The following PRRX1 variants were observed in gnomAD, a reference collection of about 807,000 sequenced individuals.
PRRX1 encodes paired mesoderm homeobox protein 1.
In PRRX1, 8 loss-of-function variants were observed where a neutral mutation model predicts 24.0. The observed-to-expected ratio is 0.33, with a 90% CI of 0.20 to 0.60. The LOEUF is 0.60. Among genes scored for constraint, PRRX1 ranks in the 20% least tolerant of loss-of-function variants. The pLI is 0.82. For synonymous variants in PRRX1, 160 were observed against 131.7 expected, an observed-to-expected ratio of 1.22 and a Z score of -1.47; for missense variants, 281 against 322.4, an observed-to-expected ratio of 0.87 and a Z score of 0.98.
At chr1:170,691,752 CA>C (rs1653988778) in intron 1 of PRRX1, among the ~76,000 whole-genome samples, 1 of 151,598 alleles carries the variant, frequency 6.6e-6, no homozygotes, top group South Asian at 2.1e-4. Flanking sequence ...TGTGTTGTGA[CA>C]AAGATAGTAT....
intron 1 of PRRX1, among the ~76,000 whole-genome samples, chr1:170,679,761 A>G (rs917851878): frequency 1.3e-5 from 2 of 150,984 alleles, no homozygotes; most frequent in African/African-American, 5.0e-5. Flanking sequence ...CTTATTCTAG[A>G]AGAAAAAACA....
At chr1:170,712,846 A>G (rs1480008820) in intron 1 of PRRX1, among the ~76,000 whole-genome samples, 1 of 152,152 alleles carries the variant, frequency 6.6e-6, no homozygotes, top group Non-Finnish European at 1.5e-5. Context: ...TCCACTTCCA[A>G]CTATGCTTCC....
At chr1:170,692,282 G>A (rs546946898) in intron 1 of PRRX1, among the ~76,000 whole-genome samples, 1 of 152,162 alleles carries the variant, frequency 6.6e-6, no homozygotes, top group South Asian at 2.1e-4. Context: ...TATGGGGTAA[G>A]AACCCAATTT....
In PRRX1 at chr1:170,738,497, A is replaced by T. The variant is rs1414361932; in HGVS notation, c.*2311A>T. The stretch of plus-strand genomic sequence containing the variant: ...AGCACGCATTACTTGCTTCCTGAAG[A>T]GTTCCCCCATTCATCCATTTGTCCC... On this transcript the variant is annotated 3_prime_UTR_variant, in exon 4 of 4. Transcript: ENST00000239461. 1 of 229,060 alleles carries T rather than the reference A, an allele frequency of 4.4e-6. No homozygotes were observed. The highest frequency in any genetic ancestry group is 2.2e-5 in the African/African-American group (1 of 45,138). 14.2% of individuals were successfully genotyped at this position (229,060 alleles called of 1,614,324 possible).
intron 3 of PRRX1, chr1:170,728,673 G>C (rs1242324644): frequency 6.6e-6 from 1 of 152,144 alleles, no homozygotes; most frequent in Non-Finnish European, 1.5e-5. Flanking sequence ...AAGCAGAAAA[G>C]TGATGTTAAA....
intron 1 of PRRX1, 152 bp from the exon 2 acceptor site, chr1:170,719,574 A>G: frequency 1.2e-6 from 1 of 842,336 alleles, no homozygotes; most frequent in Non-Finnish European, 1.9e-6. Context: ...TAATGGCCAC[A>G]TTTGCACATG....
chr1:170,736,200 T>C lies in PRRX1; in HGVS notation c.*14T>C. On this transcript the variant is annotated 3_prime_UTR_variant, in exon 4 of 4. Transcript: ENST00000239461. ...ACAGTCAACTGAGGAAAAAAAATAA[T>C]TAAACAGGCCTAAGAAGAAATCAAA... 3 of 1,613,870 alleles carry C rather than the reference T, an allele frequency of 1.9e-6. No homozygotes were observed. The highest frequency in any genetic ancestry group is 2.5e-6 in the Non-Finnish European group (3 of 1,179,886).
chr1:170,668,411 T>C (rs1653026464), intron 1 of PRRX1: 1 of 152,184 alleles, frequency 6.6e-6, no homozygotes, highest in African/African-American at 2.4e-5. Context: ...GAAACACATG[T>C]AGTCATAAAA....
At chr1:170,684,888 T>A (rs1318084839) in intron 1 of PRRX1, among the ~76,000 whole-genome samples, 1 of 152,240 alleles carries the variant, frequency 6.6e-6, no homozygotes, top group Non-Finnish European at 1.5e-5. Flanking sequence ...TTCATGATTT[T>A]AAAAATAATT....
rs545015622 is a variant in PRRX1, at chr1:170,707,507, T to C, written c.242-12219T>C. Among the ~76,000 whole-genome samples the C allele has an allele frequency of 2.6e-5, 4 of 152,326 alleles. No homozygotes were observed. The South Asian group carries it at 8.3e-4, about 32-fold the overall frequency. Reference sequence around the variant, plus strand: ...TTTAATTGATTTAATGCAAACACTGTGTTTATAAAATCTGATTTTCTCAAA... The same window carrying C: ...TTTAATTGATTTAATGCAAACACTGCGTTTATAAAATCTGATTTTCTCAAA... On this transcript the variant is annotated intron_variant, in intron 1 of 3. Coordinates refer to ENST00000239461, the MANE Select transcript of PRRX1 (RefSeq NM_022716.4).
intron 1 of PRRX1, among the ~76,000 whole-genome samples, chr1:170,686,332 G>A (rs1443274324): frequency 6.6e-6 from 1 of 152,110 alleles, no homozygotes; most frequent in Non-Finnish European, 1.5e-5. Context: ...CTTCATAAGC[G>A]AGCTTTTCTT....
At chr1:170,670,737 G>A (rs1653116809) in intron 1 of PRRX1, among the ~76,000 whole-genome samples, 1 of 152,052 alleles carries the variant, frequency 6.6e-6, no homozygotes, top group African/African-American at 2.4e-5. Context: ...GTTAGCGTAG[G>A]GGAGGGGAAT....
chr1:170,672,763 T>G (rs1422393091), intron 1 of PRRX1, among the ~76,000 whole-genome samples: 1 of 152,198 alleles, frequency 6.6e-6, no homozygotes, highest in Non-Finnish European at 1.5e-5. Flanking sequence ...GAGAACCACA[T>G]TTTCTCAAGT....
chr1:170,664,536 C>T lies in PRRX1; in HGVS notation c.241+77C>T, dbSNP rs757136068. On this transcript the variant is annotated intron_variant, in intron 1 of 3. Transcript: ENST00000239461. ...GGACCCGTGTAGGGCAGCTAGAGCC[C>T]GTCCGCGGCCAGAAAGACAAGGTCC... The T allele has an allele frequency of 2.0e-6, 3 of 1,509,306 alleles. No individual in the cohort carries two copies. The African/African-American group carries it at 4.2e-5, about 21-fold the overall frequency. 93.5% of individuals were successfully genotyped at this position (1,509,306 alleles called of 1,614,324 possible).
Position 170,736,055 on chromosome 1 carries a change from GC to G in PRRX1, c.608del (p.Ala203ValfsTer25). On this transcript the variant is annotated frameshift_variant, in exon 4 of 4. Transcript: ENST00000239461. LOFTEE classifies it high-confidence loss of function. ...TCTCCTTTGTCCCTACAGCGCCATG[GC>G]TACTTATTCTGCCACATGTGCCAAC... ...WGTASPYSAM[A>X]TYSATCANNS... is the part of the protein sequence containing the mutation. The G allele has an allele frequency of 6.2e-7, 1 of 1,614,022 alleles. No individual in the cohort carries two copies. Among genetic ancestry groups the G allele is most frequent in the South Asian group, 1.1e-5 (1 of 91,080 alleles).
rs1655712192 is a variant in PRRX1 at position 170,739,035 on chromosome 1, G to C, written c.*2849G>C. The C allele has an allele frequency of 1.4e-5, 3 of 219,620 alleles. No individual in the cohort carries two copies. In the South Asian group the frequency reaches 5.5e-4, roughly 41 times the overall value. 13.6% of individuals were successfully genotyped at this position (219,620 alleles called of 1,614,324 possible). The stretch of plus-strand genomic sequence containing the variant: ...ATCAAATTTTTAAAATACAAGTTTG[G>C]TATGTGATTTGGAAAAGATGCCTTC... On this transcript the variant is annotated 3_prime_UTR_variant, in exon 4 of 4. Transcript: ENST00000239461.
intron 3 of PRRX1, chr1:170,727,737 G>A (rs1655303468): frequency 6.6e-6 from 1 of 152,158 alleles, no homozygotes; most frequent in Admixed American, 6.5e-5. Flanking sequence ...AGCACATAGA[G>A]ACCCTACATC....
chr1:170,699,208 G>A (rs1654271862), intron 1 of PRRX1, among the ~76,000 whole-genome samples: 1 of 152,188 alleles, frequency 6.6e-6, no homozygotes, highest in Non-Finnish European at 1.5e-5. Context: ...CTATGCAGGA[G>A]ATAAATGCTC....
At chr1:170,711,122 A>T (rs577579922) in intron 1 of PRRX1, among the ~76,000 whole-genome samples, 262 of 152,340 alleles carry the variant, frequency 1.7e-3, no homozygotes, top group African/African-American at 5.6e-3. Context: ...AAAAGTATTT[A>T]AAAATATCAA....
Sources: gnomAD v4.1 joint callset for allele counts (sites outside exome capture counted in the v4.1 genomes callset) on GRCh38, gnomAD v4.1.1 for gene constraint, MANE v1.5 for transcripts, NCBI Gene and HGNC (gene_info 2026-07-23, HGNC 2026-07-21) for gene names.